Variants in PCDHGA1 observed in about 807,000 individuals in gnomAD.
PCDHGA1 encodes the protein protocadherin gamma subfamily A, 1, also known as protocadherin gamma-A1.
Under a neutral mutation model 58.0 loss-of-function variants are expected in PCDHGA1, and 32 were observed. The observed-to-expected ratio is 0.55, with a 90% CI of 0.42 to 0.74. PCDHGA1 has a LOEUF of 0.74. Among genes scored for constraint, PCDHGA1 ranks in the 30% least tolerant of loss-of-function variants. The probability of loss-of-function intolerance (pLI) is 0.00; values close to 1 mark genes in which losing one functional copy is unlikely to be tolerated. For synonymous variants in PCDHGA1, 498 were observed against 501.1 expected (o/e 0.99, Z 0.08); for missense variants, 1,205 against 1,182.3 (o/e 1.02, Z -0.28).
At position 141,332,784 on chromosome 5, in the gene PCDHGA1, C is replaced by A. The variant is rs1387577061; in HGVS notation, c.2100C>A (p.Val700=). The A allele has an allele frequency of 1.4e-5, 22 of 1,614,192 alleles. No homozygotes were observed. Among genetic ancestry groups the A allele is most frequent in the Non-Finnish European group, 1.9e-5 (22 of 1,180,024 alleles). ...ACCTGGTGGTGGCGGCGGCCGCGGT[C>A]TCCTGCGTCTTCCTGGCCTTCGTCA... is the stretch of plus-strand genomic sequence containing the variant. The part of the protein sequence containing the change: ...TLYLVVAAAA[V]SCVFLAFVIV... The change falls in exon 1 of 4, where the codon GTC becomes GTA. Residue 700 remains valine, a synonymous_variant. Coordinates refer to ENST00000517417, the MANE Select transcript of PCDHGA1 (RefSeq NM_018912.3). This position sits in a 1 kb window ranked among gnomAD's most constrained non-coding sequence, Gnocchi z 4.6.
rs2099609528 is a variant in PCDHGA1 at position 141,485,211 on chromosome 5, G to A, written c.2422-9596G>A. 6.2e-7 allele frequency: 1 copy of A among 1,614,126 alleles called. No individual in the cohort carries two copies. The highest frequency in any genetic ancestry group is 8.5e-7 in the Non-Finnish European group (1 of 1,179,980). Reference sequence around the variant, plus strand: ...GTGAGAAGCTGGACAGAAATCTGGCGGTGGGCTACCCTTTTGTTCCTCTTT... The same window carrying A: ...GTGAGAAGCTGGACAGAAATCTGGCAGTGGGCTACCCTTTTGTTCCTCTTT... On this transcript the variant is annotated intron_variant, in intron 1 of 3. Transcript: ENST00000517417. This position sits in a 1 kb window ranked among gnomAD's most constrained non-coding sequence, Gnocchi z 5.7.
intron 1 of PCDHGA1, chr5:141,410,735 T>A (rs2095420224): frequency 1.5e-6 from 2 of 1,336,188 alleles, no homozygotes; most frequent in East Asian, 4.7e-5. Context: ...CATAGCTTTT[T>A]ACAATATTTT....
At chr5:141,416,274 A>G (rs2096010347) in intron 1 of PCDHGA1, 2 of 152,404 alleles carry the variant, frequency 1.3e-5, no homozygotes, top group Non-Finnish European at 1.5e-5. Flanking sequence ...CTTTTTGCAT[A>G]CAATTCTCTA....
intron 1 of PCDHGA1, among the ~76,000 whole-genome samples, chr5:141,462,678 T>G (rs923728894): frequency 1.3e-5 from 2 of 152,210 alleles, no homozygotes; most frequent in South Asian, 4.1e-4. Flanking sequence ...TTCTTTAAAT[T>G]TTTGAGCACA....
At chr5:141,360,105 C>A in intron 1 of PCDHGA1, 1 of 1,550,518 alleles carries the variant, frequency 6.4e-7, no homozygotes. Context: ...CTTATTCCTC[C>A]TATGGGCAAA....
chr5:141,408,431 G>A, intron 1 of PCDHGA1: 1 of 1,614,064 alleles, frequency 6.2e-7, no homozygotes. Flanking sequence ...GCACTTCAGC[G>A]TAGACGCGGA....
At chr5:141,372,551 C>T (rs758593544) in intron 1 of PCDHGA1, 2 of 1,614,030 alleles carry the variant, frequency 1.2e-6, no homozygotes, top group South Asian at 1.1e-5. Flanking sequence ...GATGCTCCTC[C>T]AGACCCGCCA....
rs1288502839 is a variant in PCDHGA1 at position 141,356,953 on chromosome 5, G to A, written c.2421+23848G>A. 6 of 1,614,062 alleles carry A rather than the reference G, an allele frequency of 3.7e-6. No individual in the cohort carries two copies. In the East Asian group the frequency reaches 8.9e-5, roughly 24 times the overall value. On this transcript the variant is annotated intron_variant, in intron 1 of 3. Coordinates refer to ENST00000517417, the MANE Select transcript of PCDHGA1 (RefSeq NM_018912.3). ...GCTGGCACCCCGCTCCGCAGATTCCGGCTACCTGGTGACCAAAGTGGTGGC... is the reference window on the plus strand; with the variant it reads ...GCTGGCACCCCGCTCCGCAGATTCCAGCTACCTGGTGACCAAAGTGGTGGC...
At chr5:141,394,299 C>T (rs1420097652) in intron 1 of PCDHGA1, 1 of 1,613,884 alleles carries the variant, frequency 6.2e-7, no homozygotes, top group Non-Finnish European at 8.5e-7. Flanking sequence ...CGAGGACACG[C>T]TGCAGGGGGC....
chr5:141,340,882 G>C (rs763228700), intron 1 of PCDHGA1: 2 of 1,613,636 alleles, frequency 1.2e-6, no homozygotes, highest in African/African-American at 1.3e-5. Context: ...ACAGAGACGC[G>C]CTCAAGCAGA....
In PCDHGA1 at chr5:141,486,223, C is replaced by G. The variant is rs1164723634; in HGVS notation, c.2422-8584C>G. ...ACGTAAATGACAATGCCCCTTACATCACAGTGACCTCAGAGCTTGGAACCC... is the reference window on the plus strand; with the variant it reads ...ACGTAAATGACAATGCCCCTTACATGACAGTGACCTCAGAGCTTGGAACCC... On this transcript the variant is annotated intron_variant, in intron 1 of 3. Coordinates refer to ENST00000517417, the MANE Select transcript of PCDHGA1 (RefSeq NM_018912.3). The surrounding 1 kb of genome is among the most constrained non-coding windows in gnomAD (Gnocchi z 5.0). The G allele has an allele frequency of 6.2e-7, 1 of 1,614,148 alleles. No homozygotes were observed. Among genetic ancestry groups the G allele is most frequent in the Admixed American group, 1.7e-5 (1 of 60,032 alleles).
chr5:141,473,312 A>G (rs1432409474), intron 1 of PCDHGA1, among the ~76,000 whole-genome samples: 1 of 152,228 alleles, frequency 6.6e-6, no homozygotes, highest in Non-Finnish European at 1.5e-5. Context: ...TGCTATATTA[A>G]TAAGCATTAA....
chr5:141,355,499 C>T (rs770091797), intron 1 of PCDHGA1: 1 of 1,614,044 alleles, frequency 6.2e-7, no homozygotes, highest in South Asian at 1.1e-5. Context: ...GACAGATCTC[C>T]AAACTGTGTG....
chr5:141,371,540 C>G, intron 1 of PCDHGA1: 1 of 1,613,730 alleles, frequency 6.2e-7, no homozygotes, highest in East Asian at 2.2e-5. Flanking sequence ...ATGGAGAAAT[C>G]CTATGCCAAC....
intron 1 of PCDHGA1, among the ~76,000 whole-genome samples, chr5:141,458,215 T>C (rs2098940075): frequency 1.3e-5 from 2 of 152,174 alleles, no homozygotes; most frequent in African/African-American, 2.4e-5. Context: ...TTAAAATAAG[T>C]TTCCTTTCCC....
At chr5:141,388,559 T>C in intron 1 of PCDHGA1, 1 of 1,613,890 alleles carries the variant, frequency 6.2e-7, no homozygotes, top group Non-Finnish European at 8.5e-7. Context: ...TAAGCAGCAC[T>C]GCACAGATAC....
intron 1 of PCDHGA1, chr5:141,426,927 A>G (rs1480193041): frequency 2.2e-6 from 1 of 456,634 alleles, no homozygotes; most frequent in African/African-American, 2.0e-5. Flanking sequence ...AGCAATGGAC[A>G]TGGGTGACCC....
chr5:141,392,706 C>T (rs2092579718), intron 1 of PCDHGA1: 1 of 1,289,828 alleles, frequency 7.8e-7, no homozygotes, highest in South Asian at 1.6e-5. Flanking sequence ...TGTTTGGAGG[C>T]ACTCCAGGTT....
intron 1 of PCDHGA1, among the ~76,000 whole-genome samples, chr5:141,373,077 A>C (rs1216533246): frequency 6.6e-6 from 1 of 152,210 alleles, no homozygotes; most frequent in Non-Finnish European, 1.5e-5. Flanking sequence ...TTAATACAGT[A>C]TTATCTCACA....
Sources: gnomAD v4.1 joint callset for allele counts (sites outside exome capture counted in the v4.1 genomes callset) on GRCh38, gnomAD v4.1.1 for gene constraint, Gnocchi (gnomAD v3.1) non-coding constraint, MANE v1.5 for transcripts, NCBI Gene and HGNC (gene_info 2026-07-23, HGNC 2026-07-21) for gene names.